Variants in CPNE4 observed in about 807,000 individuals in gnomAD.
CPNE4 encodes the protein copine-4.
CPNE4 carries 25 observed loss-of-function variants against 67.9 expected under a neutral mutation model. That is an observed-to-expected ratio of 0.37 (90% CI 0.27 to 0.51). CPNE4 has a LOEUF of 0.51. CPNE4 is among the 20% of genes least tolerant of loss of function. The pLI, the probability that CPNE4 is intolerant of heterozygous loss-of-function variation, is 0.93. For synonymous variants in CPNE4, 242 were observed against 244.9 expected, an observed-to-expected ratio of 0.99 and a Z score of 0.11; for missense variants, 464 against 690.8, an observed-to-expected ratio of 0.67 and a Z score of 3.68.
intron 7 of CPNE4, among the ~76,000 whole-genome samples, chr3:131,641,216 C>CAGAG (rs2079532100): frequency 6.6e-6 from 1 of 152,044 alleles, no homozygotes; most frequent in Non-Finnish European, 1.5e-5. Context: ...AAATAACCAG[C>CAGAG]AGAGTTACAA....
chr3:131,727,831 T>C (rs955000676), intron 2 of CPNE4, among the ~76,000 whole-genome samples: 1 of 152,218 alleles, frequency 6.6e-6, no homozygotes, highest in African/African-American at 2.4e-5. Context: ...TTCTTTATAA[T>C]ATTATATAAA....
intron 2 of CPNE4, among the ~76,000 whole-genome samples, chr3:131,793,590 C>T (rs546173172): frequency 2.1e-4 from 32 of 152,222 alleles, no homozygotes; most frequent in Admixed American, 6.5e-4. Context: ...CACTATCTCT[C>T]TCACTCACTA....
chr3:131,641,757 C>T (rs541100073), intron 7 of CPNE4, among the ~76,000 whole-genome samples: 59 of 152,244 alleles, frequency 3.9e-4, no homozygotes, highest in Middle Eastern at 3.4e-3. Flanking sequence ...TGGAACCAGC[C>T]CCAATACCCA....
chr3:131,932,772 C>T (rs2071105424), intron 1 of CPNE4, among the ~76,000 whole-genome samples: 1 of 151,760 alleles, frequency 6.6e-6, no homozygotes, highest in African/African-American at 2.4e-5. Context: ...GAAGAGCATG[C>T]ACTGGGAGGC....
chr3:131,535,008 T>C lies in CPNE4; in HGVS notation c.*187A>G, dbSNP rs555049002. ...GTAAAAAGTTAACAATACAAGGGCT[T>C]AACAGATCCAGGCCTCAGGGCTACA... On this transcript the variant is annotated 3_prime_UTR_variant, in exon 16 of 16. Transcript: ENST00000429747. 2.0e-4 allele frequency: 91 copies of C among 463,128 alleles called. 1 individual carries two copies. In the South Asian group the frequency reaches 4.0e-3, roughly 20 times the overall value. 28.7% of individuals were successfully genotyped at this position (463,128 alleles called of 1,614,324 possible). A position where few individuals can be genotyped will look rare whatever the true frequency, so the allele number is the denominator to read the frequency against.
chr3:131,771,588 T>C (rs2083167483), intron 2 of CPNE4, among the ~76,000 whole-genome samples: 1 of 152,124 alleles, frequency 6.6e-6, no homozygotes, highest in Admixed American at 6.6e-5. Context: ...TCTTCCACCA[T>C]AAATGGAAGC....
At chr3:131,622,436 C>T (rs997832016) in intron 7 of CPNE4, among the ~76,000 whole-genome samples, 34 of 152,236 alleles carry the variant, frequency 2.2e-4, no homozygotes, top group Non-Finnish European at 4.3e-4. Flanking sequence ...TATTGTGAAT[C>T]CTATCCTAAA....
At chr3:131,909,185 C>T (rs2088883971) in intron 1 of CPNE4, among the ~76,000 whole-genome samples, 1 of 152,146 alleles carries the variant, frequency 6.6e-6, no homozygotes, top group South Asian at 2.1e-4. Flanking sequence ...GAGCCAATAA[C>T]TCTCACAGGT....
intron 5 of CPNE4, among the ~76,000 whole-genome samples, 161 bp downstream of exon 5, chr3:131,696,381 T>C (rs1452895697): frequency 6.6e-6 from 1 of 152,202 alleles, no homozygotes; most frequent in African/African-American, 2.4e-5. Flanking sequence ...CATTAATTGA[T>C]CTTTAATGTG....
chr3:131,917,033 G>C (rs2089205803), intron 1 of CPNE4, among the ~76,000 whole-genome samples: 1 of 152,132 alleles, frequency 6.6e-6, no homozygotes, highest in South Asian at 2.1e-4. Flanking sequence ...CTGTTGATTG[G>C]TGGTGACTGC....
chr3:131,802,116 G>A (rs1348907301), intron 2 of CPNE4, among the ~76,000 whole-genome samples: 1 of 152,058 alleles, frequency 6.6e-6, no homozygotes, highest in Non-Finnish European at 1.5e-5. Flanking sequence ...TCAGGTTCTG[G>A]TCACCTGATC....
At chr3:131,802,821 C>G (rs2084179396) in intron 2 of CPNE4, among the ~76,000 whole-genome samples, 3 of 152,128 alleles carry the variant, frequency 2.0e-5, no homozygotes, top group Admixed American at 6.5e-5. Context: ...AAAGATGCTG[C>G]TTTTCTCCTG....
chr3:131,787,811 C>T (rs777485311), intron 2 of CPNE4, among the ~76,000 whole-genome samples: 49 of 152,130 alleles, frequency 3.2e-4, no homozygotes, highest in Non-Finnish European at 6.0e-4. Flanking sequence ...AATCTGGAAA[C>T]TATGAATCTG....
rs1156393323 is a variant in CPNE4, at chr3:131,572,430, TAGCAGGCAGGC to T, written c.927+2630_927+2640del. ...AGAAGGTCGCTGCCCAACCACAGCC[TAGCAGGCAGGC>T]AGCTAGAGAAATAAATATTTCAAGT... is the stretch of plus-strand genomic sequence containing the variant. On this transcript the variant is annotated intron_variant, in intron 10 of 15. Transcript: ENST00000429747. Among the ~76,000 whole-genome samples the T allele has an allele frequency of 5.9e-5, 9 of 152,080 alleles. No homozygotes were observed. The East Asian group carries it at 1.7e-3, about 30-fold the overall frequency.
chr3:131,925,837 C>T (rs1049252477), intron 1 of CPNE4, among the ~76,000 whole-genome samples: 5 of 152,116 alleles, frequency 3.3e-5, no homozygotes, highest in African/African-American at 1.2e-4. Flanking sequence ...TAAACATAGG[C>T]ATTCTGACTT....
At chr3:131,905,092 T>C in intron 2 of CPNE4, among the ~76,000 whole-genome samples, 172 bp downstream of exon 2, 1 of 152,108 alleles carries the variant, frequency 6.6e-6, no homozygotes, top group East Asian at 1.9e-4. Context: ...AATGTCAAAA[T>C]ATCCACAACA....
intron 1 of CPNE4, among the ~76,000 whole-genome samples, chr3:131,915,981 C>T (rs2089166936): frequency 6.6e-6 from 1 of 152,112 alleles, no homozygotes; most frequent in Non-Finnish European, 1.5e-5. Flanking sequence ...TAAGTGTAAC[C>T]GAATAATTTT....
chr3:131,907,660 T>C (rs1312445348), intron 1 of CPNE4, among the ~76,000 whole-genome samples: 1 of 152,188 alleles, frequency 6.6e-6, no homozygotes, highest in Non-Finnish European at 1.5e-5. Context: ...TATTCATTTA[T>C]ATATTTATGT....
intron 11 of CPNE4, among the ~76,000 whole-genome samples, chr3:131,562,254 T>C (rs1936812687): frequency 6.6e-6 from 1 of 152,066 alleles, no homozygotes; most frequent in Admixed American, 6.6e-5. Flanking sequence ...CTATAGTCTC[T>C]GCATTTTGCA....
Sources: allele counts gnomAD v4.1 joint callset (sites outside exome capture counted in the v4.1 genomes callset), GRCh38; gene constraint gnomAD v4.1.1; transcripts MANE v1.5; gene names NCBI Gene and HGNC (gene_info 2026-07-23, HGNC 2026-07-21).